The following ESRRG variants were observed in gnomAD, a reference collection of about 807,000 sequenced individuals.
ESRRG encodes estrogen related receptor gamma, also known as estrogen-related receptor gamma.
Under a neutral mutation model 44.0 loss-of-function variants are expected in ESRRG, and 13 were observed. The observed-to-expected ratio is 0.30, with a 90% CI of 0.19 to 0.47. ESRRG has a LOEUF of 0.47. Among genes scored for constraint, ESRRG ranks in the 20% least tolerant of loss-of-function variants. ESRRG has a pLI of 1.00. For missense variants in ESRRG, 395 were observed against 580.6 expected, an observed-to-expected ratio of 0.68 and a Z score of 3.29; for synonymous variants, 215 against 214.6, an observed-to-expected ratio of 1.00 and a Z score of -0.02.
intron 2 of ESRRG, among the ~76,000 whole-genome samples, chr1:216,930,683 G>A (rs1161389602): frequency 6.6e-6 from 1 of 152,156 alleles, no homozygotes; most frequent in Non-Finnish European, 1.5e-5. Flanking sequence ...TGTTGTTTCA[G>A]CATGAGTCTT....
intron 2 of ESRRG, among the ~76,000 whole-genome samples, chr1:216,828,329 A>AACCAT (rs2095431325): frequency 6.6e-6 from 1 of 152,134 alleles, no homozygotes; most frequent in Admixed American, 6.6e-5. Flanking sequence ...CCCTGAAAGT[A>AACCAT]CCTTAATGCA....
At chr1:217,120,514 C>T (rs1368158151) in intron 1 of ESRRG, among the ~76,000 whole-genome samples, 1 of 151,726 alleles carries the variant, frequency 6.6e-6, no homozygotes, top group Non-Finnish European at 1.5e-5. Context: ...TTTAAAATGG[C>T]ATCTCATTCC....
chr1:216,898,147 G>C (rs955781598), intron 2 of ESRRG, among the ~76,000 whole-genome samples: 4 of 152,166 alleles, frequency 2.6e-5, no homozygotes. Context: ...TAGATTTTTA[G>C]TCAAACTAAG....
chr1:216,959,107 CTTCCTATTA>C (rs1051056359), intron 1 of ESRRG, among the ~76,000 whole-genome samples: 1 of 151,760 alleles, frequency 6.6e-6, no homozygotes, highest in Non-Finnish European at 1.5e-5. Flanking sequence ...TCCTTCTCTC[CTTCCTATTA>C]TTTATAGTTT....
intron 2 of ESRRG, among the ~76,000 whole-genome samples, chr1:216,854,281 C>A (rs1298365737): frequency 6.8e-6 from 1 of 147,152 alleles, no homozygotes; most frequent in African/African-American, 2.5e-5. Context: ...CCCTTGAACC[C>A]CAGAAGTGGA....
At chr1:217,027,782 A>AT (rs2081446890) in intron 1 of ESRRG, among the ~76,000 whole-genome samples, 1 of 152,224 alleles carries the variant, frequency 6.6e-6, no homozygotes, top group South Asian at 2.1e-4. Flanking sequence ...AACCCCAGGC[A>AT]TAAAAATATG....
intron 1 of ESRRG, among the ~76,000 whole-genome samples, chr1:216,679,516 T>G (rs2076662819): frequency 6.6e-6 from 1 of 152,190 alleles, no homozygotes; most frequent in Non-Finnish European, 1.5e-5. Flanking sequence ...TTTAGGGTAC[T>G]AAACCATGCT....
chr1:216,958,864 T>C (rs57774875), intron 1 of ESRRG, among the ~76,000 whole-genome samples: 2,926 of 152,268 alleles, frequency 0.019, 86 homozygotes, highest in African/African-American at 0.062. Flanking sequence ...AGGGATTTTC[T>C]TGTCCCAGAG....
chr1:216,629,991 C>T (rs900698652), intron 3 of ESRRG, among the ~76,000 whole-genome samples: 5 of 152,100 alleles, frequency 3.3e-5, no homozygotes, highest in Non-Finnish European at 5.9e-5. Flanking sequence ...ATTTTTGAGG[C>T]CAACTCCCTC....
chr1:216,829,758 T>C (rs961233632), intron 2 of ESRRG, among the ~76,000 whole-genome samples: 15 of 152,106 alleles, frequency 9.9e-5, no homozygotes, highest in African/African-American at 3.6e-4. Flanking sequence ...TTCACCATGT[T>C]GGCCAGGCTG....
At chr1:216,918,738 A>G (rs1391358323) in intron 2 of ESRRG, among the ~76,000 whole-genome samples, 1 of 151,416 alleles carries the variant, frequency 6.6e-6, no homozygotes, top group African/African-American at 2.4e-5. Context: ...AATGTTAGCT[A>G]AAAATAAAAA....
rs181179043 is a variant in ESRRG, at chr1:217,021,233, A to G, written c.-106+68274T>C. ...TGTTAGTGGGACTAGCTGGTTGCCC[A>G]GTAGAGTGGATGGTTCATGGTGAGC... On this transcript the variant is annotated intron_variant, in intron 1 of 7. Transcript: ENST00000359162. 5.5e-3 allele frequency among the ~76,000 whole-genome samples: 834 copies of G among 152,330 alleles called. 6 individuals carry two copies. Among genetic ancestry groups the G allele is most frequent in the African/African-American group, 0.018 (749 of 41,578 alleles).
chr1:217,052,036 G>T (rs2086150045), intron 1 of ESRRG, among the ~76,000 whole-genome samples: 3 of 152,164 alleles, frequency 2.0e-5, no homozygotes. Context: ...CTGCTAAGTT[G>T]CCCAGATTAC....
chr1:217,044,604 C>T (rs975926987), intron 1 of ESRRG, among the ~76,000 whole-genome samples: 1 of 152,142 alleles, frequency 6.6e-6, no homozygotes, highest in Non-Finnish European at 1.5e-5. Context: ...ATTGCAGCTC[C>T]AGATAACTTA....
intron 2 of ESRRG, among the ~76,000 whole-genome samples, chr1:216,738,872 TCTGTCACCCAGGC>T (rs2090313274): frequency 6.6e-6 from 1 of 152,160 alleles, no homozygotes; most frequent in Admixed American, 6.5e-5. Context: ...AGGGTCTCAC[TCTGTCACCCAGGC>T]CTGTCACCCA....
In ESRRG at chr1:216,753,697, G is replaced by A. The variant is rs372926633; in HGVS notation, c.-13-76206C>T. ...GTATAGCCCTTTAACAAAGTGTATA[G>A]GTATAGTCCAAATAAACTTAAAGCA... On this transcript the variant is annotated intron_variant, in intron 2 of 7. Coordinates refer to the ESRRG transcript ENST00000359162. 4.6e-3 allele frequency among the ~76,000 whole-genome samples: 699 copies of A among 152,086 alleles called. 4 individuals are homozygous for A. Among genetic ancestry groups the A allele is most frequent in the Non-Finnish European group, 8.3e-3 (563 of 67,976 alleles).
At chr1:216,712,463 G>T (rs1277669109) in intron 1 of ESRRG, among the ~76,000 whole-genome samples, 1 of 152,196 alleles carries the variant, frequency 6.6e-6, no homozygotes, top group Non-Finnish European at 1.5e-5. Context: ...GCGGTTTTCA[G>T]ATGAAATGAT....
At chr1:217,099,499 C>A (rs1415426735) in intron 1 of ESRRG, among the ~76,000 whole-genome samples, 2 of 151,980 alleles carry the variant, frequency 1.3e-5, no homozygotes, top group East Asian at 3.9e-4. Context: ...TCTATGAAAT[C>A]TAATATAATG....
At position 216,535,235 on chromosome 1, in the gene ESRRG, G is replaced by A. The variant is rs185401068; in HGVS notation, c.863-15814C>T. ...TACTAACTAGCTGTGTAAACTTCAG[G>A]CAGTCACTGAATTGCTCAATTTCCT... On this transcript the variant is annotated intron_variant, in intron 5 of 6. Transcript: ENST00000408911. Among the ~76,000 whole-genome samples, 485 of 152,166 alleles carry A rather than the reference G, an allele frequency of 3.2e-3. 3 individuals carry two copies. The highest frequency in any genetic ancestry group is 4.7e-3 in the Non-Finnish European group (323 of 68,006).
Sources: gnomAD v4.1 joint callset for allele counts (sites outside exome capture counted in the v4.1 genomes callset) on GRCh38, gnomAD v4.1.1 for gene constraint, MANE v1.5 for transcripts, NCBI Gene and HGNC (gene_info 2026-07-23, HGNC 2026-07-21) for gene names.